The following APBA2 variants were observed in gnomAD, a reference collection of about 807,000 sequenced individuals.
APBA2 encodes amyloid beta precursor protein binding family A member 2.
APBA2 carries 30 observed loss-of-function variants against 75.0 expected under a neutral mutation model. The ratio of observed to expected loss-of-function variants is 0.40; its 90% CI spans 0.30 to 0.54. The LOEUF is 0.54. Among genes scored for constraint, APBA2 ranks in the 20% least tolerant of loss-of-function variants. The pLI, the probability that APBA2 is intolerant of heterozygous loss-of-function variation, is 0.49. For missense variants in APBA2, 801 were observed against 1,016.1 expected (o/e 0.79, Z 2.88); for synonymous variants, 444 against 409.6 (o/e 1.08, Z -1.01).
chr15:29,095,301 T>G (rs953106208), intron 8 of APBA2, among the ~76,000 whole-genome samples: 1 of 151,990 alleles, frequency 6.6e-6, no homozygotes, highest in Admixed American at 6.5e-5. Flanking sequence ...TGGTGGTACA[T>G]GCCTGTAATT....
chr15:29,094,248 T>G, intron 7 of APBA2, 30 bp from the exon 8 acceptor site: 1 of 1,613,846 alleles, frequency 6.2e-7, no homozygotes, highest in Non-Finnish European at 8.5e-7. Context: ...CTGTGCCAAC[T>G]TGTTTTTCTT....
chr15:28,967,183 G>A (rs1430930521), intron 2 of APBA2, among the ~76,000 whole-genome samples: 2 of 151,814 alleles, frequency 1.3e-5, no homozygotes, highest in African/African-American at 4.8e-5. Flanking sequence ...TTTTTTGATA[G>A]CAAATTTATT....
chr15:28,890,106 G>A (rs2032031362), intron 1 of APBA2, among the ~76,000 whole-genome samples: 1 of 152,098 alleles, frequency 6.6e-6, no homozygotes, highest in African/African-American at 2.4e-5. Context: ...CTTTTCCCGC[G>A]TCCCAGAGCT....
intron 2 of APBA2, among the ~76,000 whole-genome samples, chr15:28,976,579 C>T (rs1408169201): frequency 6.6e-6 from 1 of 152,128 alleles, no homozygotes; most frequent in Non-Finnish European, 1.5e-5. Flanking sequence ...GGTTTTTGGG[C>T]ATCAATTGAG....
intron 6 of APBA2, among the ~76,000 whole-genome samples, chr15:29,089,060 T>C (rs2043427706): frequency 6.6e-6 from 1 of 152,174 alleles, no homozygotes; most frequent in Non-Finnish European, 1.5e-5. Flanking sequence ...CCCTGTCCCT[T>C]CCTTCCCAGG....
At chr15:28,936,566 C>T (rs745569376) in intron 2 of APBA2, among the ~76,000 whole-genome samples, 1 of 152,122 alleles carries the variant, frequency 6.6e-6, no homozygotes. Context: ...CTAGTGCCTG[C>T]GCGTTAGGCA....
chr15:29,027,668 T>C (rs2040288724), intron 3 of APBA2, among the ~76,000 whole-genome samples: 1 of 151,988 alleles, frequency 6.6e-6, no homozygotes, highest in Admixed American at 6.6e-5. Flanking sequence ...AGTGGTGTGA[T>C]CTCAGCTCAC....
intron 1 of APBA2, among the ~76,000 whole-genome samples, chr15:28,906,447 G>C (rs1235861146): frequency 6.6e-6 from 1 of 152,152 alleles, no homozygotes; most frequent in Non-Finnish European, 1.5e-5. Flanking sequence ...GCTGACATGT[G>C]GAGTCTCGTA....
intron 2 of APBA2, among the ~76,000 whole-genome samples, chr15:28,961,048 C>T (rs1042950529): frequency 2.6e-5 from 4 of 152,088 alleles, no homozygotes; most frequent in East Asian, 3.9e-4. Context: ...CGTGAGCCAC[C>T]GCACCTAGCC....
At chr15:28,989,619 C>A (rs1038173949) in intron 2 of APBA2, among the ~76,000 whole-genome samples, 4 of 152,214 alleles carry the variant, frequency 2.6e-5, no homozygotes, top group Non-Finnish European at 5.9e-5. Flanking sequence ...AACGAAATCC[C>A]ATCCCCGCTC....
At position 29,046,299 on chromosome 15, in the gene APBA2, C is replaced by T. The variant is rs1873283; in HGVS notation, c.-40-7546C>T. 0.22 allele frequency among the ~76,000 whole-genome samples: 33,927 copies of T among 152,124 alleles called. 6,280 individuals are homozygous for T. The highest frequency in any genetic ancestry group is 0.5 in the African/African-American group (20,905 of 41,474). On this transcript the variant is annotated intron_variant, in intron 3 of 14. Transcript: ENST00000683413. This position sits in a 1 kb window ranked among gnomAD's most constrained non-coding sequence, Gnocchi z 5.0. ...ACTTGTTTCTACCTACGTTTTTGCC[C>T]ACCTTTCCTTCTCACCTCCCCTTGG...
chr15:28,887,756 C>T (rs2031848642), intron 1 of APBA2, among the ~76,000 whole-genome samples: 1 of 152,142 alleles, frequency 6.6e-6, no homozygotes, highest in Admixed American at 6.5e-5. Context: ...GAGCTTGTGG[C>T]TGTGTGCCGG....
chr15:29,068,248 G>C (rs1189083959), intron 4 of APBA2, among the ~76,000 whole-genome samples: 3 of 152,200 alleles, frequency 2.0e-5, no homozygotes, highest in African/African-American at 7.2e-5. Context: ...TGCACACAGG[G>C]CTTCTTGCTT....
At chr15:29,053,111 C>T (rs1319002600) in intron 3 of APBA2, among the ~76,000 whole-genome samples, 1 of 152,166 alleles carries the variant, frequency 6.6e-6, no homozygotes, top group Non-Finnish European at 1.5e-5. Flanking sequence ...AGGCCCTCTC[C>T]CAGTTTGGCC....
At chr15:28,894,706 A>G (rs560783978) in intron 1 of APBA2, among the ~76,000 whole-genome samples, 5 of 152,302 alleles carry the variant, frequency 3.3e-5, no homozygotes, top group Middle Eastern at 3.4e-3. Context: ...CAGATGGGCC[A>G]ATAACAACGC....
intron 2 of APBA2, among the ~76,000 whole-genome samples, chr15:28,936,646 C>T (rs569818604): frequency 6.6e-6 from 1 of 152,352 alleles, no homozygotes; most frequent in East Asian, 1.9e-4. Context: ...CAGAGGCAAG[C>T]GAGGCAGAGA....
Position 29,046,664 on chromosome 15 carries a change from C to T in APBA2, c.-40-7181C>T, listed in dbSNP as rs1179669915. On this transcript the variant is annotated intron_variant, in intron 3 of 14. Transcript: ENST00000683413. This position sits in a 1 kb window ranked among gnomAD's most constrained non-coding sequence, Gnocchi z 5.0. The stretch of plus-strand genomic sequence containing the variant: ...GGCCTTTGGCCCACAACCTTGGAAT[C>T]TTGGGCCATGAACCTGCACACTCTC... Among the ~76,000 whole-genome samples, 1 of 152,240 alleles carries T rather than the reference C, an allele frequency of 6.6e-6. No homozygotes were observed. The highest frequency in any genetic ancestry group is 1.5e-5 in the Non-Finnish European group (1 of 68,046).
In APBA2 at chr15:28,921,727, C is replaced by A. The variant is rs2033980173; in HGVS notation, c.-117C>A. 6.6e-6 allele frequency: 1 copy of A among 152,256 alleles called. No individual in the cohort carries two copies. Among genetic ancestry groups the A allele is most frequent in the Non-Finnish European group, 1.5e-5 (1 of 68,080 alleles). The allele number at this position is 152,256 out of a possible 1,614,324, so 9.4% of individuals were successfully genotyped here. On this transcript the variant is annotated 5_prime_UTR_variant, in exon 2 of 15. Coordinates refer to ENST00000683413, the MANE Select transcript of APBA2 (RefSeq NM_001353788.2). Reference sequence around the variant, plus strand: ...TCCTGTGGACAGACGGGGTGAGCCTCTTCTTGTGTCTGGAGATTCTGAGTG... The same window carrying A: ...TCCTGTGGACAGACGGGGTGAGCCTATTCTTGTGTCTGGAGATTCTGAGTG...
chr15:29,076,021 G>C, intron 5 of APBA2, 34 bp from the exon 6 acceptor site: 1 of 1,608,328 alleles, frequency 6.2e-7, no homozygotes, highest in Non-Finnish European at 8.5e-7. Context: ...CTTAACAATT[G>C]TTATGTGTTT....
Sources: allele counts gnomAD v4.1 joint callset (sites outside exome capture counted in the v4.1 genomes callset), GRCh38; gene constraint gnomAD v4.1.1; non-coding constraint Gnocchi (gnomAD v3.1); transcripts MANE v1.5; gene names NCBI Gene and HGNC (gene_info 2026-07-23, HGNC 2026-07-21).